RAPGEF1: variants seen among roughly 807,000 people sequenced by gnomAD.
RAPGEF1 encodes Rap guanine nucleotide exchange factor 1, also known as CRK SH3-binding GNRP.
Under a neutral mutation model 143.3 loss-of-function variants are expected in RAPGEF1, and 33 were observed. The observed-to-expected ratio is 0.23, with a 90% CI of 0.17 to 0.31. The LOEUF is 0.31. Among genes scored for constraint, RAPGEF1 ranks in the 10% least tolerant of loss-of-function variants. RAPGEF1 has a pLI of 1.00. For synonymous variants in RAPGEF1, 629 were observed against 676.5 expected (o/e 0.93, Z 1.09); for missense variants, 1,199 against 1,645.4 (o/e 0.73, Z 4.69).
At chr9:131,585,953 G>T (rs1187895026) in intron 22 of RAPGEF1, among the ~76,000 whole-genome samples, 3 of 152,184 alleles carry the variant, frequency 2.0e-5, no homozygotes, top group African/African-American at 7.2e-5. Flanking sequence ...GCTGAGGTGG[G>T]TGGATCACGA....
At chr9:131,613,398 GC>G (rs921886470) in intron 12 of RAPGEF1, among the ~76,000 whole-genome samples, 5 of 152,182 alleles carry the variant, frequency 3.3e-5, no homozygotes, top group African/African-American at 1.2e-4. Flanking sequence ...AGGGAAGCTG[GC>G]CCTGGTTCTG....
chr9:131,631,498 C>A (rs1160629222), intron 5 of RAPGEF1, among the ~76,000 whole-genome samples: 1 of 152,242 alleles, frequency 6.6e-6, no homozygotes, highest in Non-Finnish European at 1.5e-5. Flanking sequence ...ACAGCTTCTC[C>A]CTCCACCTTC....
chr9:131,688,062 GAAA>G (rs1833496419), intron 1 of RAPGEF1, among the ~76,000 whole-genome samples: 2 of 152,292 alleles, frequency 1.3e-5, no homozygotes, highest in African/African-American at 4.8e-5. Flanking sequence ...GAAAAGAAAG[GAAA>G]ATGAGCCACA....
At chr9:131,592,304 G>A in intron 17 of RAPGEF1, 121 bp from the exon 18 acceptor site, 1 of 740,102 alleles carries the variant, frequency 1.4e-6, no homozygotes, top group African/African-American at 1.7e-5. Context: ...GGAGTGGGAT[G>A]GGCGAGGGAG....
At chr9:131,680,069 C>T (rs1020181708) in intron 1 of RAPGEF1, among the ~76,000 whole-genome samples, 8 of 152,226 alleles carry the variant, frequency 5.3e-5, no homozygotes, top group African/African-American at 9.6e-5. Context: ...TATAACTAAA[C>T]GCAACTAAAA....
chr9:131,586,724 T>A (rs1588192591), intron 22 of RAPGEF1, among the ~76,000 whole-genome samples: 1 of 92,852 alleles, frequency 1.1e-5, no homozygotes, highest in Non-Finnish European at 2.0e-5. Context: ...AGAGCGAGAC[T>A]CCGTCTCACA....
Position 131,629,209 on chromosome 9 carries a change from G to A in RAPGEF1, c.786C>T (p.Asn262=). The change falls in exon 7 of 27, where the codon AAC becomes AAT. Residue 262 remains asparagine, a synonymous_variant. Coordinates refer to ENST00000683357, the MANE Select transcript of RAPGEF1 (RefSeq NM_001377935.1). ...TTGACTGTGACATCCCAGTCGTCTT[G>A]TTTAGGATCTCTACCTCGCGGTCTG... is the stretch of plus-strand genomic sequence containing the variant. The part of the protein sequence containing the change: ...PLTDREVEIL[N]KTTGMSQSTE... 1 of 1,613,990 alleles carries A rather than the reference G, an allele frequency of 6.2e-7. No homozygotes were observed.
intron 1 of RAPGEF1, among the ~76,000 whole-genome samples, chr9:131,730,442 G>C (rs146720036): frequency 1.3e-5 from 2 of 151,948 alleles, no homozygotes; most frequent in African/African-American, 4.8e-5. Context: ...CACTTTGGGA[G>C]GCTGAGGCGG....
At chr9:131,596,433 T>G (rs1384934464) in intron 16 of RAPGEF1, 60 bp from the exon 17 acceptor site, 12 of 1,549,926 alleles carry the variant, frequency 7.7e-6, no homozygotes, top group Non-Finnish European at 1.1e-5. Context: ...AGAATCAGTT[T>G]AGGAAGAAAC....
At chr9:131,689,797 C>T (rs1252400831) in intron 1 of RAPGEF1, among the ~76,000 whole-genome samples, 1 of 152,188 alleles carries the variant, frequency 6.6e-6, no homozygotes, top group Admixed American at 6.5e-5. Context: ...CTCGGCCTCC[C>T]AAAGTGCTAG....
intron 3 of RAPGEF1, among the ~76,000 whole-genome samples, chr9:131,644,362 T>C (rs1968947572): frequency 6.6e-6 from 1 of 150,404 alleles, no homozygotes; most frequent in South Asian, 2.1e-4. Flanking sequence ...GTGGAGTCTC[T>C]GAACCTGTTC....
rs567341490 is a variant in RAPGEF1, at chr9:131,700,717, T to A, written c.61+39053A>T. On this transcript the variant is annotated intron_variant, in intron 1 of 26. Transcript: ENST00000683357. ...TCTACAAACCTTCCACTGTCTGTTTTCTCCTTATTACAGTGGTGAGAAGAA... is the reference window on the plus strand; with the variant it reads ...TCTACAAACCTTCCACTGTCTGTTTACTCCTTATTACAGTGGTGAGAAGAA... 2.8e-4 allele frequency among the ~76,000 whole-genome samples: 42 copies of A among 152,276 alleles called. 1 individual carries two copies. The highest frequency in any genetic ancestry group is 9.8e-4 in the Admixed American group (15 of 15,294).
At chr9:131,706,571 G>C (rs781714307) in intron 1 of RAPGEF1, among the ~76,000 whole-genome samples, 1 of 152,152 alleles carries the variant, frequency 6.6e-6, no homozygotes, top group Non-Finnish European at 1.5e-5. Flanking sequence ...CATCCAGTGT[G>C]CCTGGGAATC....
chr9:131,694,892 C>T (rs535121404), intron 1 of RAPGEF1, among the ~76,000 whole-genome samples: 2 of 150,822 alleles, frequency 1.3e-5, no homozygotes, highest in Non-Finnish European at 2.9e-5. Context: ...TGGTGTGCTG[C>T]ACCCATTAAC....
Position 131,628,205 on chromosome 9 carries a change from G to T in RAPGEF1, c.1018-109C>A. On this transcript the variant is annotated intron_variant, in intron 8 of 26. Coordinates refer to ENST00000683357, the MANE Select transcript of RAPGEF1 (RefSeq NM_001377935.1). The surrounding 1 kb of genome is among the most constrained non-coding windows in gnomAD (Gnocchi z 5.7). ...CTTAGAGAAGGAAATACTGCCAGGC[G>T]AACTCAGAAACCACCTCTGACGTCA... 9.2e-7 allele frequency: 1 copy of T among 1,086,316 alleles called. No homozygotes were observed. Among genetic ancestry groups the T allele is most frequent in the Non-Finnish European group, 1.3e-6 (1 of 781,376 alleles). 67.3% of individuals were successfully genotyped at this position (1,086,316 alleles called of 1,614,324 possible).
chr9:131,600,625 G>A (rs1353017328), intron 15 of RAPGEF1, among the ~76,000 whole-genome samples: 1 of 152,104 alleles, frequency 6.6e-6, no homozygotes, highest in African/African-American at 2.4e-5. Context: ...CCCTGATAAT[G>A]ACAAGTGGGC....
Position 131,650,104 on chromosome 9 carries a change from C to A in RAPGEF1, c.315+25G>T. ...TCTGCAGTAGAAGGCAAGGCAAACCCAATTGTTCTTAATGTTACACTGACC... is the reference window on the plus strand; with the variant it reads ...TCTGCAGTAGAAGGCAAGGCAAACCAAATTGTTCTTAATGTTACACTGACC... On this transcript the variant is annotated intron_variant, in intron 3 of 26. Coordinates refer to ENST00000683357, the MANE Select transcript of RAPGEF1 (RefSeq NM_001377935.1). The surrounding 1 kb of genome is among the most constrained non-coding windows in gnomAD (Gnocchi z 4.7). 6.3e-7 allele frequency: 1 copy of A among 1,576,026 alleles called. No individual in the cohort carries two copies. The highest frequency in any genetic ancestry group is 8.7e-7 in the Non-Finnish European group (1 of 1,149,092).
chr9:131,589,585 C>T (rs974518642), intron 19 of RAPGEF1, among the ~76,000 whole-genome samples: 3 of 152,318 alleles, frequency 2.0e-5, no homozygotes, highest in South Asian at 4.1e-4. Flanking sequence ...CCATGGCTGG[C>T]GGCTGAGAGC....
intron 1 of RAPGEF1, among the ~76,000 whole-genome samples, chr9:131,701,589 CAT>C (rs368096586): frequency 1.9e-3 from 290 of 152,136 alleles, no homozygotes; most frequent in African/African-American, 5.3e-3. Context: ...ATTATTGCAT[CAT>C]ATGTTATATA....
Sources: gnomAD v4.1 joint callset for allele counts (sites outside exome capture counted in the v4.1 genomes callset) on GRCh38, gnomAD v4.1.1 for gene constraint, Gnocchi (gnomAD v3.1) non-coding constraint, MANE v1.5 for transcripts, NCBI Gene and HGNC (gene_info 2026-07-23, HGNC 2026-07-21) for gene names.